The following SLC35A3 variants were observed in gnomAD, a reference collection of about 807,000 sequenced individuals.
SLC35A3 encodes the protein solute carrier family 35 member A3.
Under a neutral mutation model 39.0 loss-of-function variants are expected in SLC35A3, and 26 were observed. The observed-to-expected ratio is 0.67, with a 90% CI of 0.49 to 0.92. The LOEUF (loss-of-function observed/expected upper bound fraction) is 0.92, where lower values mean the gene tolerates loss of function less well. SLC35A3 is among the 40% of genes least tolerant of loss of function. The pLI, the probability that SLC35A3 is intolerant of heterozygous loss-of-function variation, is 0.00. For synonymous variants in SLC35A3, 135 were observed against 133.1 expected (o/e 1.01, Z -0.10); for missense variants, 299 against 371.6 (o/e 0.80, Z 1.61).
At position 99,970,100 on chromosome 1, in the gene SLC35A3, G is replaced by T. The variant is rs950987656; in HGVS notation, c.-81G>T. On this transcript the variant is annotated 5_prime_UTR_variant, in exon 1 of 8. Transcript: ENST00000533028. ...GACCCAGCGGACTCGGCAGCCTGGG[G>T]CGCCCGGCGGAGCTGAACCGCGGCC... 2 of 154,518 alleles carry T rather than the reference G, an allele frequency of 1.3e-5. No homozygotes were observed. Among genetic ancestry groups the T allele is most frequent in the Admixed American group, 1.3e-4 (2 of 15,356 alleles). The allele number at this position is 154,518 out of a possible 1,614,324, so 9.6% of individuals were successfully genotyped here.
intron 6 of SLC35A3, 29 bp from the exon 7 acceptor site, chr1:100,017,652 GT>G: frequency 6.9e-7 from 1 of 1,442,200 alleles, no homozygotes; most frequent in South Asian, 1.4e-5. Flanking sequence ...TTACATGTGT[GT>G]TTTAAAAAAT....
At chr1:99,975,403 G>A (rs1205136055) in intron 1 of SLC35A3, among the ~76,000 whole-genome samples, 2 of 152,164 alleles carry the variant, frequency 1.3e-5, no homozygotes, top group African/African-American at 4.8e-5. Flanking sequence ...GTGAATAGAA[G>A]AAGGAAATGT....
chr1:100,017,542 A>G (rs951005916), intron 6 of SLC35A3, 140 bp from the exon 7 acceptor site: 10 of 512,850 alleles, frequency 1.9e-5, no homozygotes, highest in Non-Finnish European at 3.0e-5. Flanking sequence ...ATTCGTTGTT[A>G]AGAGATGTTT....
chr1:99,994,992 A>G (rs1658298542), intron 2 of SLC35A3, among the ~76,000 whole-genome samples: 2 of 152,032 alleles, frequency 1.3e-5, no homozygotes, highest in Admixed American at 6.6e-5. Context: ...TGTTTTTTCA[A>G]ATAGCCATTC....
chr1:100,001,780 T>C (rs925217417), intron 3 of SLC35A3, among the ~76,000 whole-genome samples: 1 of 152,176 alleles, frequency 6.6e-6, no homozygotes, highest in Non-Finnish European at 1.5e-5. Flanking sequence ...TTGTCATATA[T>C]GGCCTTTATT....
At chr1:100,021,625 A>G (rs1660556368) in intron 7 of SLC35A3, among the ~76,000 whole-genome samples, 1 of 152,132 alleles carries the variant, frequency 6.6e-6, no homozygotes, top group South Asian at 2.1e-4. Context: ...AGCCATGGTG[A>G]CAGCACTGCA....
chr1:100,022,406 T>A lies in SLC35A3; in HGVS notation c.908T>A (p.Ile303Asn). 4 of 1,595,664 alleles carry A rather than the reference T, an allele frequency of 2.5e-6. No individual in the cohort carries two copies. Among genetic ancestry groups the A allele is most frequent in the Non-Finnish European group, 3.4e-6 (4 of 1,165,306 alleles). The stretch of plus-strand genomic sequence containing the variant: ...TTCAGTGTCTTTTTCCTTGGAGCCA[T>A]CCTTGTAATAACAGCTACTTTTTTG... ...VPTSVFFLGAILVITATFLYG... is the reference protein window; with the variant it reads ...VPTSVFFLGANLVITATFLYG... Residue 303 changes from isoleucine (I) to asparagine (N), a missense_variant, in exon 8 of 8, where the codon ATC (isoleucine) becomes AAC (asparagine). By Grantham distance (149) the Ile-to-Asn change is moderately radical (BLOSUM62 -3). Transcript: ENST00000533028.
intron 3 of SLC35A3, among the ~76,000 whole-genome samples, chr1:100,003,279 G>C (rs987219784): frequency 6.6e-6 from 1 of 151,930 alleles, no homozygotes; most frequent in African/African-American, 2.4e-5. Context: ...GGCCAAGCAT[G>C]GTGGCGGGTA....
At chr1:99,975,981 G>A (rs967491560) in intron 1 of SLC35A3, among the ~76,000 whole-genome samples, 1 of 152,116 alleles carries the variant, frequency 6.6e-6, no homozygotes, top group African/African-American at 2.4e-5. Flanking sequence ...GATTGCCTGA[G>A]CCCAGTAGGT....
intron 2 of SLC35A3, among the ~76,000 whole-genome samples, chr1:99,997,053 A>G (rs1658438152): frequency 6.6e-6 from 1 of 151,984 alleles, no homozygotes; most frequent in Non-Finnish European, 1.5e-5. Context: ...GTTTATGTAT[A>G]TATCTCTAAA....
chr1:99,975,253 T>A (rs922865729), intron 1 of SLC35A3, among the ~76,000 whole-genome samples: 1 of 152,172 alleles, frequency 6.6e-6, no homozygotes, highest in Admixed American at 6.5e-5. Context: ...TGCATTTGTC[T>A]TTTATGTTAT....
chr1:100,014,000 G>T (rs917197888), intron 5 of SLC35A3, among the ~76,000 whole-genome samples: 2 of 152,036 alleles, frequency 1.3e-5, no homozygotes, highest in Admixed American at 1.3e-4. Context: ...TAATAGCCTC[G>T]CAATGCTTCT....
intron 3 of SLC35A3, among the ~76,000 whole-genome samples, chr1:100,002,805 G>A (rs112295371): frequency 4.6e-5 from 7 of 150,970 alleles, no homozygotes; most frequent in African/African-American, 1.5e-4. Context: ...TGTAGAGACA[G>A]GGTCTTTTTA....
At chr1:99,983,446 G>C (rs1319873451) in intron 1 of SLC35A3, among the ~76,000 whole-genome samples, 1 of 151,508 alleles carries the variant, frequency 6.6e-6, no homozygotes, top group Non-Finnish European at 1.5e-5. Flanking sequence ...GGCCGAGGCA[G>C]GAGAATCTCT....
At chr1:99,996,319 A>G (rs753566645) in intron 2 of SLC35A3, among the ~76,000 whole-genome samples, 5 of 152,232 alleles carry the variant, frequency 3.3e-5, no homozygotes, top group Non-Finnish European at 7.3e-5. Context: ...ACCACCAATA[A>G]TTAATATCCA....
chr1:100,010,949 C>T (rs1659589397), intron 4 of SLC35A3, among the ~76,000 whole-genome samples: 1 of 152,136 alleles, frequency 6.6e-6, no homozygotes, highest in Non-Finnish European at 1.5e-5. Flanking sequence ...CTCCCAACAG[C>T]TTCCCTTTAT....
At chr1:99,983,526 G>C (rs1371778910) in intron 1 of SLC35A3, among the ~76,000 whole-genome samples, 1 of 148,150 alleles carries the variant, frequency 6.7e-6, no homozygotes, top group East Asian at 1.9e-4. Context: ...GCGACAAAGC[G>C]AGACTCCGTC....
At chr1:99,972,361 C>T (rs1383826368) in intron 1 of SLC35A3, among the ~76,000 whole-genome samples, 1 of 131,502 alleles carries the variant, frequency 7.6e-6, no homozygotes, top group African/African-American at 3.0e-5. Context: ...GAGATGGAGT[C>T]TTGCTCTGTC....
intron 1 of SLC35A3, among the ~76,000 whole-genome samples, chr1:99,973,269 G>A (rs1031171503): frequency 6.6e-6 from 1 of 152,126 alleles, no homozygotes; most frequent in Non-Finnish European, 1.5e-5. Context: ...GAAATAGCTT[G>A]AACATCATCA....
Sources: allele counts gnomAD v4.1 joint callset (sites outside exome capture counted in the v4.1 genomes callset), GRCh38; gene constraint gnomAD v4.1.1; transcripts MANE v1.5; gene names NCBI Gene and HGNC (gene_info 2026-07-23, HGNC 2026-07-21).